The following TUBA1C variants were observed in gnomAD, a reference collection of about 807,000 sequenced individuals.
TUBA1C encodes the protein tubulin alpha-1C chain.
In TUBA1C, 16 loss-of-function variants were observed where a neutral mutation model predicts 34.9. That is an observed-to-expected ratio of 0.46 (90% CI 0.31 to 0.70). The LOEUF (loss-of-function observed/expected upper bound fraction) is 0.70, where lower values mean the gene tolerates loss of function less well. Among genes scored for constraint, TUBA1C ranks in the 30% least tolerant of loss-of-function variants. The pLI, the probability that TUBA1C is intolerant of heterozygous loss-of-function variation, is 0.05. For synonymous variants in TUBA1C, 177 were observed against 215.9 expected (o/e 0.82, Z 1.58); for missense variants, 329 against 587.3 (o/e 0.56, Z 4.55).
At position 49,273,749 on chromosome 12, in the gene TUBA1C, G is replaced by A. The variant is rs988152690; in HGVS notation, c.*522G>A. ...AGAATCATTTTGTAAGTGAGGAAAC[G>A]GGTTCAGATTGAGCCAGTGCTTCTC... On this transcript the variant is annotated 3_prime_UTR_variant, in exon 4 of 4. Transcript: ENST00000301072. 3 of 181,136 alleles carry A rather than the reference G, an allele frequency of 1.7e-5. No homozygotes were observed. The highest frequency in any genetic ancestry group is 1.2e-4 in the South Asian group (1 of 8,502). The allele number at this position is 181,136 out of a possible 1,614,324, so 11.2% of individuals were successfully genotyped here. A position where few individuals can be genotyped will look rare whatever the true frequency, so the allele number is the denominator to read the frequency against.
intron 1 of TUBA1C, among the ~76,000 whole-genome samples, chr12:49,254,908 T>C (rs1227345004): frequency 6.6e-6 from 1 of 152,122 alleles, no homozygotes; most frequent in Admixed American, 6.6e-5. Context: ...ATTTAGGAGC[T>C]CTGTGTCAGG....
chr12:49,255,091 T>C (rs1286539339), intron 1 of TUBA1C, among the ~76,000 whole-genome samples: 2 of 151,994 alleles, frequency 1.3e-5, no homozygotes, highest in Non-Finnish European at 2.9e-5. Context: ...GACCTCAGGC[T>C]GTTTTAGAGC....
chr12:49,249,510 A>G (rs1414306830), intron 1 of TUBA1C, among the ~76,000 whole-genome samples: 1 of 152,204 alleles, frequency 6.6e-6, no homozygotes, highest in Non-Finnish European at 1.5e-5. Context: ...AGCAGAAATC[A>G]ATGAAACAGA....
intron 1 of TUBA1C, among the ~76,000 whole-genome samples, chr12:49,250,540 A>AG (rs1290996130): frequency 7.3e-5 from 11 of 151,590 alleles, no homozygotes; most frequent in African/African-American, 2.4e-4. Flanking sequence ...AAAAAAAAAA[A>AG]AGAGAAGACA....
exon 1 of TUBA1C, chr12:49,228,131 A>G (rs994818054): frequency 4.6e-6 from 7 of 1,535,734 alleles, no homozygotes; most frequent in African/African-American, 1.4e-5. Context: ...ATGCACATCC[A>G]GCAAAAGCAG....
At chr12:49,241,204 A>T (rs1592274725) in intron 1 of TUBA1C, among the ~76,000 whole-genome samples, 1 of 151,954 alleles carries the variant, frequency 6.6e-6, no homozygotes, top group Non-Finnish European at 1.5e-5. Context: ...GCCTGGTCCC[A>T]TCTTAGCTCT....
At chr12:49,255,400 T>TAAA (rs1418702263) in intron 1 of TUBA1C, among the ~76,000 whole-genome samples, 17 of 142,470 alleles carry the variant, frequency 1.2e-4, no homozygotes, top group Admixed American at 4.2e-4. Context: ...AACTTATCTT[T>TAAA]AAAAAATATA....
chr12:49,240,090 C>T (rs952690111), intron 1 of TUBA1C, among the ~76,000 whole-genome samples: 2 of 150,928 alleles, frequency 1.3e-5, no homozygotes, highest in African/African-American at 4.9e-5. Flanking sequence ...TGCCTTTTTC[C>T]TCACAGACAT....
At chr12:49,236,432 T>C (rs369132096) in intron 1 of TUBA1C, among the ~76,000 whole-genome samples, 1 of 152,366 alleles carries the variant, frequency 6.6e-6, no homozygotes, top group East Asian at 1.9e-4. Context: ...TCAAGCATAG[T>C]TCTGACCCGG....
chr12:49,257,315 G>A (rs1350076264), intron 1 of TUBA1C, among the ~76,000 whole-genome samples: 3 of 152,066 alleles, frequency 2.0e-5, no homozygotes, highest in African/African-American at 7.2e-5. Context: ...TTCCTCTCCT[G>A]TAAAATGGAG....
At chr12:49,237,650 T>TAAGA (rs1942570021) in intron 1 of TUBA1C, among the ~76,000 whole-genome samples, 1 of 149,530 alleles carries the variant, frequency 6.7e-6, no homozygotes, top group Non-Finnish European at 1.5e-5. Flanking sequence ...GAGGCCAAGG[T>TAAGA]AAGAGTATCC....
chr12:49,234,785 CTCTTGGG>C (rs1942534343), intron 1 of TUBA1C, among the ~76,000 whole-genome samples: 1 of 152,230 alleles, frequency 6.6e-6, no homozygotes, highest in South Asian at 2.1e-4. Flanking sequence ...GAAAACCTCC[CTCTTGGG>C]TCTTTTGGAA....
At chr12:49,251,504 G>A (rs1942731819) in intron 1 of TUBA1C, among the ~76,000 whole-genome samples, 1 of 152,088 alleles carries the variant, frequency 6.6e-6, no homozygotes, top group Non-Finnish European at 1.5e-5. Flanking sequence ...GGCTGGGCCT[G>A]GTGACTCACC....
At chr12:49,266,261 T>TTAA (rs1942910434) in intron 1 of TUBA1C, among the ~76,000 whole-genome samples, 2 of 79,496 alleles carry the variant, frequency 2.5e-5, no homozygotes, top group African/African-American at 9.0e-5. Context: ...CCGTCTCTAC[T>TTAA]AAAAAAAAAA....
chr12:49,237,137 G>A (rs576248873), intron 1 of TUBA1C, among the ~76,000 whole-genome samples: 19 of 152,156 alleles, frequency 1.2e-4, no homozygotes, highest in African/African-American at 4.1e-4. Flanking sequence ...ATAAAAATCC[G>A]GGCCAGGCAT....
chr12:49,265,894 C>G (rs1313863471), intron 1 of TUBA1C, among the ~76,000 whole-genome samples: 1 of 151,160 alleles, frequency 6.6e-6, no homozygotes, highest in Non-Finnish European at 1.5e-5. Context: ...GTGGCTCACG[C>G]CTGTAATCCC....
At chr12:49,262,191 G>T (rs1448957498), upstream of TUBA1C, among the ~76,000 whole-genome samples, 2 of 151,238 alleles carry the variant, frequency 1.3e-5, no homozygotes, top group Non-Finnish European at 2.9e-5. Flanking sequence ...AAGGCAGGAG[G>T]ATTGCTTGAG....
At chr12:49,265,236 C>T (rs373922995) in intron 1 of TUBA1C, 52 bp downstream of exon 1, 166 of 1,521,732 alleles carry the variant, frequency 1.1e-4, no homozygotes, top group Middle Eastern at 6.9e-4. Context: ...CAGGGGACGG[C>T]GGGCCCGGAA....
rs139006955 is a variant in TUBA1C, at chr12:49,232,297, C to T, written c.213+4131C>T. The stretch of plus-strand genomic sequence containing the variant: ...GTATTTACAAAATGTCCACCTTGTC[C>T]TTCTCAGCACAGTAAGCTTTCTCTG... On this transcript the variant is annotated intron_variant, in intron 1 of 3. Transcript: ENST00000541364. 7.3e-3 allele frequency among the ~76,000 whole-genome samples: 1,113 copies of T among 152,296 alleles called. 8 individuals carry two copies. The highest frequency in any genetic ancestry group is 0.027 in the Middle Eastern group (8 of 294).
Sources: gnomAD v4.1 joint callset for allele counts (sites outside exome capture counted in the v4.1 genomes callset) on GRCh38, gnomAD v4.1.1 for gene constraint, MANE v1.5 for transcripts, NCBI Gene and HGNC (gene_info 2026-07-23, HGNC 2026-07-21) for gene names.